Variants in ESRRG observed in about 807,000 individuals in gnomAD.
ESRRG encodes the protein estrogen related receptor gamma, also known as estrogen-related receptor gamma.
In ESRRG, 13 loss-of-function variants were observed where a neutral mutation model predicts 44.0. The observed-to-expected ratio is 0.30, with a 90% CI of 0.19 to 0.47. The LOEUF is 0.47. ESRRG is among the 20% of genes least tolerant of loss of function. The pLI is 1.00. For synonymous variants in ESRRG, 215 were observed against 214.6 expected (o/e 1.00, Z -0.02); for missense variants, 395 against 580.6 (o/e 0.68, Z 3.29).
At chr1:216,672,473 G>A (rs1161417877) in intron 2 of ESRRG, among the ~76,000 whole-genome samples, 1 of 152,102 alleles carries the variant, frequency 6.6e-6, no homozygotes, top group South Asian at 2.1e-4. Context: ...CTCAAGATAT[G>A]GTCTGGATAT....
Position 216,996,465 on chromosome 1 carries a change from A to G in ESRRG, c.-105-56792T>C, listed in dbSNP as rs74861195. Among the ~76,000 whole-genome samples, 510 of 152,206 alleles carry G rather than the reference A, an allele frequency of 3.4e-3. 5 individuals carry two copies. The highest frequency in any genetic ancestry group is 0.011 in the African/African-American group (470 of 41,524). ...GAAAAAAAGTGAAAAATAACAGGCA[A>G]AAAGAAGGAAAGGGAGAAATGGAAT... On this transcript the variant is annotated intron_variant, in intron 1 of 7. Coordinates refer to the ESRRG transcript ENST00000359162.
intron 3 of ESRRG, among the ~76,000 whole-genome samples, chr1:216,642,322 A>G (rs2066602287): frequency 6.6e-6 from 1 of 152,236 alleles, no homozygotes; most frequent in African/African-American, 2.4e-5. Context: ...TCAGCTCTCA[A>G]AAATCTGTGT....
chr1:217,078,952 A>C (rs776354997), intron 1 of ESRRG, among the ~76,000 whole-genome samples: 9 of 152,188 alleles, frequency 5.9e-5, no homozygotes, highest in Non-Finnish European at 1.2e-4. Flanking sequence ...ACTTCACTCC[A>C]ACAGAACCAA....
chr1:216,514,316 G>A (rs2043542634), intron 6 of ESRRG, among the ~76,000 whole-genome samples: 1 of 152,042 alleles, frequency 6.6e-6, no homozygotes, highest in Admixed American at 6.6e-5. Flanking sequence ...TAAACTAAGA[G>A]ATGAAAAGTT....
chr1:216,650,671 T>C (rs2068722485), intron 3 of ESRRG, among the ~76,000 whole-genome samples: 2 of 152,034 alleles, frequency 1.3e-5, no homozygotes, highest in East Asian at 3.9e-4. Context: ...GACAGTAGCC[T>C]CTTGGTTTGT....
chr1:216,548,713 T>G (rs2149358082), intron 5 of ESRRG, among the ~76,000 whole-genome samples: 1 of 152,140 alleles, frequency 6.6e-6, no homozygotes, highest in African/African-American at 2.4e-5. Context: ...ACTCCATCAG[T>G]GCACATAGAG....
At chr1:216,550,023 G>A (rs1377445979) in intron 5 of ESRRG, among the ~76,000 whole-genome samples, 2 of 152,158 alleles carry the variant, frequency 1.3e-5, no homozygotes, top group South Asian at 2.1e-4. Flanking sequence ...ATCAAAGTTT[G>A]CTTGCCATTG....
intron 1 of ESRRG, among the ~76,000 whole-genome samples, chr1:217,134,874 C>T (rs1301200366): frequency 6.6e-6 from 1 of 152,236 alleles, no homozygotes; most frequent in East Asian, 1.9e-4. Flanking sequence ...CGCCGCGATC[C>T]GCTTGCACCT....
chr1:217,135,697 C>G (rs1176292529), intron 1 of ESRRG, among the ~76,000 whole-genome samples: 1 of 152,234 alleles, frequency 6.6e-6, no homozygotes, highest in Non-Finnish European at 1.5e-5. Flanking sequence ...TCCCCACGGT[C>G]TTCTCCCTGG....
intron 1 of ESRRG, among the ~76,000 whole-genome samples, chr1:217,015,800 G>T (rs1160322487): frequency 4.0e-5 from 6 of 150,698 alleles, no homozygotes; most frequent in African/African-American, 1.5e-4. Flanking sequence ...CATGATCTTG[G>T]CTCACTGCAA....
At chr1:216,806,436 G>A (rs751647559) in intron 2 of ESRRG, among the ~76,000 whole-genome samples, 6 of 152,182 alleles carry the variant, frequency 3.9e-5, no homozygotes, top group Non-Finnish European at 7.3e-5. Flanking sequence ...CTGCTAGTAT[G>A]TTAATTAACT....
At chr1:216,755,869 T>C (rs1256592229) in intron 2 of ESRRG, among the ~76,000 whole-genome samples, 1 of 152,088 alleles carries the variant, frequency 6.6e-6, no homozygotes, top group Non-Finnish European at 1.5e-5. Flanking sequence ...CTAATGATTG[T>C]AGTTAAATAG....
rs533344731 is a variant in ESRRG at position 217,058,301 on chromosome 1, T to G, written c.-106+31206A>C. On this transcript the variant is annotated intron_variant, in intron 1 of 7. Transcript: ENST00000359162. The stretch of plus-strand genomic sequence containing the variant: ...TATGCTAGAAAAAAGAAAGGGGTTT[T>G]ATATCCAGCAAAACTGACTTGCAAG... Among the ~76,000 whole-genome samples the G allele has an allele frequency of 4.5e-4, 68 of 152,270 alleles. 2 individuals carry two copies. The highest frequency in any genetic ancestry group is 6.8e-3 in the Middle Eastern group (2 of 294).
chr1:216,655,389 C>T (rs1427699472), intron 2 of ESRRG, among the ~76,000 whole-genome samples: 1 of 152,116 alleles, frequency 6.6e-6, no homozygotes, highest in East Asian at 1.9e-4. Context: ...TACATTCCCA[C>T]AAACACAGGA....
chr1:216,711,038 C>G (rs1485324201), intron 1 of ESRRG, among the ~76,000 whole-genome samples: 2 of 152,180 alleles, frequency 1.3e-5, no homozygotes, highest in Non-Finnish European at 2.9e-5. Flanking sequence ...CGTACTGAGT[C>G]CTGACGTGAC....
intron 1 of ESRRG, among the ~76,000 whole-genome samples, chr1:216,996,551 TAAGGTGAGAAATA>T (rs1276653749): frequency 6.6e-6 from 1 of 151,930 alleles, no homozygotes; most frequent in African/African-American, 2.4e-5. Context: ...ATGAATAAGT[TAAGGTGAGAAATA>T]AAGGTGAGAA....
At chr1:217,102,474 G>A (rs890630187) in intron 1 of ESRRG, among the ~76,000 whole-genome samples, 1 of 152,192 alleles carries the variant, frequency 6.6e-6, no homozygotes, top group Non-Finnish European at 1.5e-5. Context: ...GTTGAAACCT[G>A]TAGTGTATGA....
At chr1:217,045,900 C>T (rs1458327551) in intron 1 of ESRRG, among the ~76,000 whole-genome samples, 1 of 152,054 alleles carries the variant, frequency 6.6e-6, no homozygotes, top group African/African-American at 2.4e-5. Context: ...GTGTTTGCTT[C>T]TTTAGGATTT....
At chr1:216,968,114 G>A (rs375488249) in intron 1 of ESRRG, among the ~76,000 whole-genome samples, 124 of 152,168 alleles carry the variant, frequency 8.1e-4, no homozygotes, top group African/African-American at 2.9e-3. Context: ...TGAGTTTTAA[G>A]AGTTCTTTGT....
Sources: allele counts gnomAD v4.1 joint callset (sites outside exome capture counted in the v4.1 genomes callset), GRCh38; gene constraint gnomAD v4.1.1; transcripts MANE v1.5; gene names NCBI Gene and HGNC (gene_info 2026-07-23, HGNC 2026-07-21).